The following MTA3 variants were observed in gnomAD, a reference collection of about 807,000 sequenced individuals.
The protein encoded by MTA3 is metastasis associated 1 family member 3, also known as metastasis-associated protein MTA3.
MTA3 carries 34 observed loss-of-function variants against 83.5 expected under a neutral mutation model. The observed-to-expected ratio is 0.41, with a 90% CI of 0.31 to 0.54. The LOEUF (loss-of-function observed/expected upper bound fraction) is 0.54, where lower values mean the gene tolerates loss of function less well. MTA3 is among the 20% of genes least tolerant of loss of function. The pLI is 0.33. For missense variants in MTA3, 761 were observed against 726.4 expected (o/e 1.05, Z -0.55); for synonymous variants, 303 against 252.7 (o/e 1.20, Z -1.89).
chr2:42,714,883 A>T (rs149501435), intron 14 of MTA3, among the ~76,000 whole-genome samples: 4 of 152,302 alleles, frequency 2.6e-5, no homozygotes, highest in Admixed American at 6.5e-5. Flanking sequence ...ACCTGACAGG[A>T]GGCGGAGCTC....
intron 3 of MTA3, among the ~76,000 whole-genome samples, chr2:42,606,174 G>C (rs1003277316): frequency 2.1e-5 from 2 of 93,618 alleles, no homozygotes; most frequent in Non-Finnish European, 4.3e-5. Flanking sequence ...CTCCCGGACG[G>C]GGCGGCTGGC....
At chr2:42,523,671 G>T (rs1675534620) in intron 2 of MTA3, among the ~76,000 whole-genome samples, 1 of 152,168 alleles carries the variant, frequency 6.6e-6, no homozygotes, top group Non-Finnish European at 1.5e-5. Context: ...CCAGCACTTT[G>T]AGAGGCCGAG....
intron 14 of MTA3, among the ~76,000 whole-genome samples, chr2:42,718,185 C>A (rs1423665329): frequency 1.3e-5 from 2 of 150,018 alleles, no homozygotes; most frequent in Non-Finnish European, 2.9e-5. Context: ...TAGGCATGAC[C>A]TAGATAATGG....
At chr2:42,667,829 T>A (rs1354621082) in intron 8 of MTA3, among the ~76,000 whole-genome samples, 1 of 152,154 alleles carries the variant, frequency 6.6e-6, no homozygotes, top group Non-Finnish European at 1.5e-5. Flanking sequence ...AATAATACAT[T>A]GTGTGTATAT....
chr2:42,711,775 A>T (rs1008953129), intron 14 of MTA3, among the ~76,000 whole-genome samples: 3 of 139,408 alleles, frequency 2.2e-5, no homozygotes, highest in East Asian at 2.0e-4. Flanking sequence ...TGTATAGGAG[A>T]GAGAGAGAGT....
At chr2:42,648,714 C>T (rs899635743) in intron 6 of MTA3, among the ~76,000 whole-genome samples, 16 of 151,946 alleles carry the variant, frequency 1.1e-4, no homozygotes, top group Non-Finnish European at 1.9e-4. Flanking sequence ...AATAAACCAC[C>T]TAGAAAATTT....
chr2:42,563,725 C>G (rs2103805470), upstream of MTA3, among the ~76,000 whole-genome samples: 1 of 152,254 alleles, frequency 6.6e-6, no homozygotes, highest in African/African-American at 2.4e-5. Context: ...CTCGGCCTCC[C>G]AAAGTGCTGG....
chr2:42,614,967 A>G (rs1487711775), intron 4 of MTA3, among the ~76,000 whole-genome samples: 1 of 119,806 alleles, frequency 8.3e-6, no homozygotes, highest in East Asian at 2.2e-4. Flanking sequence ...ACAGAGCAAG[A>G]CTCTGTCTTA....
intron 2 of MTA3, among the ~76,000 whole-genome samples, chr2:42,548,878 T>TATATATATATAATATATATATATATA (rs1156811014): frequency 1.8e-4 from 2 of 11,296 alleles, no homozygotes; most frequent in African/African-American, 7.6e-4. Flanking sequence ...ATATATATAA[T>TATATATATATAATATATATATATATA]ATATATATAT....
intron 8 of MTA3, among the ~76,000 whole-genome samples, chr2:42,675,481 A>AT: frequency 6.6e-6 from 1 of 152,312 alleles, no homozygotes; most frequent in Middle Eastern, 3.4e-3. Flanking sequence ...ATATGGTAAC[A>AT]TATATAGAGT....
intron 8 of MTA3, among the ~76,000 whole-genome samples, chr2:42,675,814 C>G (rs1254369468): frequency 6.6e-6 from 1 of 152,152 alleles, no homozygotes; most frequent in African/African-American, 2.4e-5. Context: ...GTTATAGAAA[C>G]TGTATTCATG....
Position 42,711,771 on chromosome 2 carries a change from GGA to G in MTA3, c.1525+2687_1525+2688del, listed in dbSNP as rs111819056. On this transcript the variant is annotated intron_variant, in intron 14 of 16. Transcript: ENST00000405094. ...GTCTGTGATCTACTGGGAGTGTATA[GGA>G]GAGAGAGAGAGTGTGTGTGTGTGTG... Among the ~76,000 whole-genome samples, 39 of 44,674 alleles carry G rather than the reference GGA, an allele frequency of 8.7e-4. 1 individual carries two copies. The highest frequency in any genetic ancestry group is 1.7e-3 in the African/African-American group (25 of 14,524). The allele number at this position is 44,674 out of a possible 152,430, so 29.3% of individuals were successfully genotyped here.
chr2:42,687,509 G>T (rs1226522476), intron 9 of MTA3, among the ~76,000 whole-genome samples: 2 of 152,136 alleles, frequency 1.3e-5, no homozygotes, highest in African/African-American at 4.8e-5. Context: ...GGATAAAGTT[G>T]CTATAAACAT....
At position 42,709,031 on chromosome 2, in the gene MTA3, T is replaced by A; in HGVS notation, c.1460T>A (p.Leu487His). The A allele has an allele frequency of 6.2e-7, 1 of 1,613,956 alleles. No individual in the cohort carries two copies. Among genetic ancestry groups the A allele is most frequent in the Non-Finnish European group, 8.5e-7 (1 of 1,179,862 alleles). Reference protein sequence around the residue: ...KFARQVCKNTLRLRQAARRPF... With the variant: ...KFARQVCKNTHRLRQAARRPF... ...GCTCGTCAGGTCTGCAAAAATACCC[T>A]CCGGCTGCGGCAGGCAGCAAGACGG... Residue 487 changes from leucine (L) to histidine (H), a missense_variant, in exon 14 of 17, where the codon CTC (leucine) becomes CAC (histidine). Transcript: ENST00000405094.
intron 8 of MTA3, among the ~76,000 whole-genome samples, chr2:42,680,931 G>A (rs1041708958): frequency 5.3e-5 from 8 of 151,834 alleles, no homozygotes; most frequent in South Asian, 2.1e-4. Flanking sequence ...TTGTAGAGAC[G>A]GGGTTTCACT....
intron 14 of MTA3, chr2:42,712,647 T>C (rs987450095): frequency 6.6e-6 from 1 of 152,216 alleles, no homozygotes; most frequent in African/African-American, 2.4e-5. Flanking sequence ...AATGGATTGG[T>C]AGACCAAAAT....
intron 3 of MTA3, among the ~76,000 whole-genome samples, chr2:42,596,129 T>C (rs948529063): frequency 2.0e-5 from 3 of 152,270 alleles, no homozygotes; most frequent in Non-Finnish European, 2.9e-5. Context: ...ACATAGTTGA[T>C]TTTTAAGATG....
chr2:42,679,839 TG>T (rs66470707), intron 8 of MTA3, among the ~76,000 whole-genome samples: 14,174 of 144,076 alleles, frequency 0.098, 867 homozygotes, highest in Non-Finnish European at 0.13. Context: ...GGCTGTGTGT[TG>T]TTTTTTTTTT....
rs1681458093 is a variant in MTA3, at chr2:42,594,565, A to G, written c.191-14893A>G. Among the ~76,000 whole-genome samples the G allele has an allele frequency of 2.7e-5, 4 of 148,510 alleles. No homozygotes were observed. The Admixed American group carries it at 2.7e-4, about 10-fold the overall frequency. ...GGATTAAATTTTTTAATCTTTACTA[A>G]TCTTACAGATTAAAAATGGTGCCTT... On this transcript the variant is annotated intron_variant, in intron 3 of 16. Transcript: ENST00000405094.
Sources: allele counts gnomAD v4.1 joint callset (sites outside exome capture counted in the v4.1 genomes callset), GRCh38; gene constraint gnomAD v4.1.1; transcripts MANE v1.5; gene names NCBI Gene and HGNC (gene_info 2026-07-23, HGNC 2026-07-21).